The following TENM3 variants were observed in gnomAD, a reference collection of about 807,000 sequenced individuals.
The protein encoded by TENM3 is teneurin transmembrane protein 3, also known as teneurin-3.
In TENM3, 63 loss-of-function variants were observed where a neutral mutation model predicts 255.1. That is an observed-to-expected ratio of 0.25 (90% confidence interval 0.20 to 0.30). TENM3 has a LOEUF of 0.30. TENM3 is among the 10% of genes least tolerant of loss of function. The pLI is 1.00. For synonymous variants in TENM3, 1,306 were observed against 1,322.3 expected (o/e 0.99, Z 0.27); for missense variants, 2,929 against 3,461.1 (o/e 0.85, Z 3.86).
chr4:181,844,525 G>C, the TENM3 span, among the ~76,000 whole-genome samples: 3 of 151,864 alleles, frequency 2.0e-5, no homozygotes, highest in Non-Finnish European at 2.9e-5. Context: ...AAAATTAGCC[G>C]GGAGTGGTGG....
the TENM3 span, among the ~76,000 whole-genome samples, chr4:181,475,126 T>C: frequency 6.6e-6 from 1 of 152,234 alleles, no homozygotes; most frequent in African/African-American, 2.4e-5. Context: ...TTGTTTCACA[T>C]TGAAACAGGC....
chr4:182,751,800 C>T lies in TENM3; in HGVS notation c.3630C>T (p.Ser1210=), dbSNP rs1333966878. The T allele has an allele frequency of 1.9e-6, 3 of 1,612,098 alleles. No homozygotes were observed. Among genetic ancestry groups the T allele is most frequent in the Admixed American group, 1.7e-5 (1 of 60,014 alleles). ...TGTTTATCTATGATCCTTTTCACAG[C>T]AGCAACCCAGCTCATAGATACTACC... ...SGNVTSVLEL[S]SNPAHRYYLA... is the part of the protein sequence containing the mutation. Residue 1210 remains serine, a splice_region_variant and synonymous_variant, in exon 20 of 28, where the codon AGC becomes AGT. Coordinates refer to ENST00000511685, the MANE Select transcript of TENM3 (RefSeq NM_001080477.4).
chr4:182,122,362 A>T, the TENM3 span, among the ~76,000 whole-genome samples: 1 of 152,256 alleles, frequency 6.6e-6, no homozygotes, highest in Admixed American at 6.5e-5. Context: ...ATCAGAGAAT[A>T]AAAATCTATG....
the TENM3 span, among the ~76,000 whole-genome samples, chr4:181,631,139 C>G: frequency 6.6e-6 from 1 of 152,134 alleles, no homozygotes; most frequent in East Asian, 1.9e-4. Flanking sequence ...ATCTTTTTGT[C>G]GTTGTAGGAC....
At chr4:181,906,484 C>T in the TENM3 span, 1 of 158,620 alleles carries the variant, frequency 6.3e-6, no homozygotes, top group Middle Eastern at 1.2e-3. Context: ...ACTTATTTAC[C>T]TTACTTAATC....
the TENM3 span, among the ~76,000 whole-genome samples, chr4:181,645,194 A>G: frequency 2.0e-5 from 3 of 152,304 alleles, no homozygotes; most frequent in African/African-American, 7.2e-5. Flanking sequence ...TCCAATAGGG[A>G]GAGGATGTTA....
the TENM3 span, among the ~76,000 whole-genome samples, chr4:181,771,022 C>T: frequency 1.3e-5 from 2 of 152,174 alleles, no homozygotes; most frequent in Non-Finnish European, 2.9e-5. Flanking sequence ...GACTGCAGCT[C>T]CAGTAAGGAA....
At chr4:181,747,663 T>C in the TENM3 span, among the ~76,000 whole-genome samples, 1 of 152,016 alleles carries the variant, frequency 6.6e-6, no homozygotes, top group African/African-American at 2.4e-5. Flanking sequence ...CCTTTGCTTT[T>C]ATTTGTTACA....
intron 4 of TENM3, among the ~76,000 whole-genome samples, chr4:182,605,887 T>G (rs1002722166): frequency 6.6e-6 from 1 of 152,198 alleles, no homozygotes; most frequent in African/African-American, 2.4e-5. Flanking sequence ...CAGCATAAAC[T>G]GATAGCTGTA....
At chr4:181,890,629 T>G in the TENM3 span, among the ~76,000 whole-genome samples, 2 of 151,970 alleles carry the variant, frequency 1.3e-5, no homozygotes, top group Non-Finnish European at 2.9e-5. Flanking sequence ...TAGACTAAAC[T>G]GTGCCCCCAC....
At chr4:182,642,242 G>T (rs1418336855) in intron 5 of TENM3, among the ~76,000 whole-genome samples, 3 of 152,094 alleles carry the variant, frequency 2.0e-5, no homozygotes, top group Non-Finnish European at 4.4e-5. Context: ...GACCCTTTAA[G>T]CAAGAGAAAA....
chr4:182,055,680 C>T, the TENM3 span, among the ~76,000 whole-genome samples: 1 of 152,094 alleles, frequency 6.6e-6, no homozygotes, highest in Non-Finnish European at 1.5e-5. Flanking sequence ...GACACTGGGC[C>T]ATCTTGTAGG....
chr4:181,798,558 C>G, the TENM3 span, among the ~76,000 whole-genome samples: 4 of 152,154 alleles, frequency 2.6e-5, no homozygotes, highest in Admixed American at 2.6e-4. Flanking sequence ...TCAATACCTT[C>G]TCTTCTAAAA....
intron 4 of TENM3, among the ~76,000 whole-genome samples, chr4:182,619,103 TAG>T (rs1561011600): frequency 1.3e-5 from 2 of 151,938 alleles, no homozygotes; most frequent in African/African-American, 4.8e-5. Flanking sequence ...ACGTGACCCA[TAG>T]AGGTATACAT....
At position 182,789,031 on chromosome 4, in the gene TENM3, A is replaced by T; in HGVS notation, c.5305-62A>T. On this transcript the variant is annotated intron_variant, in intron 24 of 27. Coordinates refer to ENST00000511685, the MANE Select transcript of TENM3 (RefSeq NM_001080477.4). This position sits in a 1 kb window ranked among gnomAD's most constrained non-coding sequence, Gnocchi z 4.4. Reference sequence around the variant, plus strand: ...TCATCGTAAATGGTGTTTAAACAATACTGGGGACTCCGGTGTTGGAATAAC... The same window carrying T: ...TCATCGTAAATGGTGTTTAAACAATTCTGGGGACTCCGGTGTTGGAATAAC... The T allele has an allele frequency of 7.1e-7, 1 of 1,410,920 alleles. No individual in the cohort carries two copies. The highest frequency in any genetic ancestry group is 9.6e-7 in the Non-Finnish European group (1 of 1,041,684). The allele number at this position is 1,410,920 out of a possible 1,614,324, so 87.4% of individuals were successfully genotyped here.
intron 3 of TENM3, among the ~76,000 whole-genome samples, chr4:182,522,889 G>A (rs1560868831): frequency 1.3e-5 from 2 of 152,086 alleles, no homozygotes; most frequent in African/African-American, 2.4e-5. Context: ...TTTCCATAAC[G>A]GCTGCACTAC....
intron 3 of TENM3, among the ~76,000 whole-genome samples, chr4:182,362,770 C>G (rs915548244): frequency 7.2e-5 from 11 of 152,190 alleles, no homozygotes; most frequent in African/African-American, 2.7e-4. Flanking sequence ...GTGAGATGAA[C>G]CTGGTACCTC....
chr4:182,800,587 T>G lies in TENM3; in HGVS notation c.*236T>G, dbSNP rs1766876386. On this transcript the variant is annotated 3_prime_UTR_variant, in exon 28 of 28. Transcript: ENST00000511685. The stretch of plus-strand genomic sequence containing the variant: ...GCGCTGCACTCAGTCGGACTGAACG[T>G]AGCCAGAGGAAAAAAAAATCATCAA... 9.6e-6 allele frequency: 4 copies of G among 416,114 alleles called. No individual in the cohort carries two copies. The highest frequency in any genetic ancestry group is 2.1e-5 in the African/African-American group (1 of 47,590). 25.8% of individuals were successfully genotyped at this position (416,114 alleles called of 1,614,324 possible).
At chr4:182,041,180 C>CTG in the TENM3 span, among the ~76,000 whole-genome samples, 2 of 152,024 alleles carry the variant, frequency 1.3e-5, no homozygotes, top group East Asian at 1.9e-4. Flanking sequence ...CTATCTCGTG[C>CTG]TGTGTGTGTG....
Sources: allele counts gnomAD v4.1 joint callset (sites outside exome capture counted in the v4.1 genomes callset), GRCh38; gene constraint gnomAD v4.1.1; non-coding constraint Gnocchi (gnomAD v3.1); transcripts MANE v1.5; gene names NCBI Gene and HGNC (gene_info 2026-07-23, HGNC 2026-07-21).